JARID2: variants seen among roughly 807,000 people sequenced by gnomAD.
JARID2 encodes the protein protein Jumonji.
Under a neutral mutation model 125.6 loss-of-function variants are expected in JARID2, and 21 were observed. That is an observed-to-expected ratio of 0.17 (90% CI 0.12 to 0.24). The LOEUF is 0.24. JARID2 is among the 10% of genes least tolerant of loss of function. The probability of loss-of-function intolerance (pLI) is 1.00; values close to 1 mark genes in which losing one functional copy is unlikely to be tolerated. For missense variants in JARID2, 1,303 were observed against 1,639.6 expected, an observed-to-expected ratio of 0.79 and a Z score of 3.55; for synonymous variants, 736 against 661.6, an observed-to-expected ratio of 1.11 and a Z score of -1.73.
intron 3 of JARID2, among the ~76,000 whole-genome samples, chr6:15,418,651 A>G (rs1347867441): frequency 6.6e-6 from 1 of 151,936 alleles, no homozygotes; most frequent in Non-Finnish European, 1.5e-5. Flanking sequence ...TTGTTAAACA[A>G]GGAGCTGCTG....
rs867786544 is a variant in JARID2 at position 15,330,327 on chromosome 6, C to T, written c.46-43790C>T. 7.2e-5 allele frequency among the ~76,000 whole-genome samples: 11 copies of T among 152,236 alleles called. No individual in the cohort carries two copies. The East Asian group carries it at 9.7e-4, about 13-fold the overall frequency. On this transcript the variant is annotated intron_variant, in intron 1 of 17. Transcript: ENST00000341776. ...CTGGTGAGGTTACATTATAAGCCTGCGCACTCATTAATACCACCGAATCCA... is the reference window on the plus strand; with the variant it reads ...CTGGTGAGGTTACATTATAAGCCTGTGCACTCATTAATACCACCGAATCCA...
intron 1 of JARID2, among the ~76,000 whole-genome samples, chr6:15,304,557 G>A (rs1399794921): frequency 6.6e-6 from 1 of 151,968 alleles, no homozygotes; most frequent in African/African-American, 2.4e-5. Flanking sequence ...ATATCTAGAT[G>A]AGTGATGCTT....
rs369838113 is a variant in JARID2 at position 15,487,496 on chromosome 6, A to G, written c.860A>G (p.His287Arg). The change falls in exon 6 of 18, where the codon CAT (histidine) becomes CGT (arginine). Residue 287 changes from histidine (H) to arginine (R), a missense_variant. By Grantham distance (29) the His-to-Arg change is conservative. Around this residue, in one of 11 missense-constraint regions of JARID2, gnomAD observed 651 missense variants for 581.6 expected, o/e 1.12. Transcript: ENST00000341776. ...TCGGCCAAGGGGCTTGCTGCCACCC[A>G]TCACCACCCCCCTCTGCATCGGTCG... ...GSSAKGLAATHHHPPLHRSAQ... is the reference protein window; with the variant it reads ...GSSAKGLAATRHHPPLHRSAQ... 12 of 1,613,866 alleles carry G rather than the reference A, an allele frequency of 7.4e-6. No individual in the cohort carries two copies. Among genetic ancestry groups the G allele is most frequent in the African/African-American group, 6.7e-5 (5 of 74,912 alleles).
At chr6:15,484,998 G>A (rs902409963) in intron 5 of JARID2, among the ~76,000 whole-genome samples, 6 of 152,164 alleles carry the variant, frequency 3.9e-5, no homozygotes. Context: ...TACGGATGTT[G>A]CTTTTAATTT....
intron 5 of JARID2, among the ~76,000 whole-genome samples, chr6:15,479,205 G>C (rs935008454): frequency 6.6e-6 from 1 of 152,176 alleles, no homozygotes; most frequent in African/African-American, 2.4e-5. Context: ...GCCCACACAG[G>C]CCGCGGGGCT....
intron 5 of JARID2, among the ~76,000 whole-genome samples, chr6:15,482,071 GT>G (rs1008150590): frequency 2.0e-5 from 3 of 152,240 alleles, no homozygotes; most frequent in Admixed American, 1.3e-4. Flanking sequence ...TGAAGGATCT[GT>G]TTTTTTCAGA....
intron 5 of JARID2, among the ~76,000 whole-genome samples, chr6:15,478,967 A>G (rs2127700962): frequency 6.6e-6 from 1 of 152,288 alleles, no homozygotes; most frequent in Middle Eastern, 3.4e-3. Context: ...GCCCGGCCGG[A>G]TTTAGGGTTT....
At chr6:15,504,972 T>C (rs1010416003) in intron 9 of JARID2, among the ~76,000 whole-genome samples, 2 of 152,202 alleles carry the variant, frequency 1.3e-5, no homozygotes, top group African/African-American at 4.8e-5. Context: ...TTGTGCTTTT[T>C]CTTCTCTTCT....
At chr6:15,302,408 C>T (rs2127413472) in intron 1 of JARID2, among the ~76,000 whole-genome samples, 1 of 150,644 alleles carries the variant, frequency 6.6e-6, no homozygotes, top group South Asian at 2.2e-4. Context: ...GAGCGAGACT[C>T]TGTCTTGGGA....
intron 1 of JARID2, among the ~76,000 whole-genome samples, chr6:15,350,119 C>T (rs975055304): frequency 6.6e-5 from 10 of 152,054 alleles, no homozygotes; most frequent in Non-Finnish European, 1.3e-4. Context: ...TGTTTTAACA[C>T]GCGGCTGGAA....
chr6:15,455,192 C>CAAA lies in JARID2; in HGVS notation c.493+3031_493+3033dup, dbSNP rs36088738. Among the ~76,000 whole-genome samples, 1,178 of 128,660 alleles carry CAAA rather than the reference C, an allele frequency of 9.2e-3. 20 individuals are homozygous for CAAA. The highest frequency in any genetic ancestry group is 0.033 in the African/African-American group (1,079 of 32,524). 84.4% of individuals were successfully genotyped at this position (128,660 alleles called of 152,430 possible). ...TTGGCAATTAAGTGGCACTTTGTCT[C>CAAA]AAAAAAAAAAAAAAAACAATGGTGA... On this transcript the variant is annotated intron_variant, in intron 4 of 17. Transcript: ENST00000341776.
intron 4 of JARID2, among the ~76,000 whole-genome samples, chr6:15,465,600 G>A (rs571559816): frequency 2.0e-5 from 3 of 151,374 alleles, no homozygotes; most frequent in East Asian, 1.9e-4. Flanking sequence ...AACATCTTGA[G>A]TGCAAGGAAT....
chr6:15,308,983 CT>C (rs553738768), intron 1 of JARID2, among the ~76,000 whole-genome samples: 71 of 152,338 alleles, frequency 4.7e-4, no homozygotes, highest in African/African-American at 1.7e-3. Context: ...TTTTGGTTGA[CT>C]GACTGCCCTT....
At chr6:15,441,998 TCTCAAA>T (rs1482643249) in intron 3 of JARID2, among the ~76,000 whole-genome samples, 1 of 151,946 alleles carries the variant, frequency 6.6e-6, no homozygotes, top group Non-Finnish European at 1.5e-5. Context: ...GTCAGGCTGG[TCTCAAA>T]CTCCTGACCT....
intron 16 of JARID2, among the ~76,000 whole-genome samples, chr6:15,515,767 A>C (rs940213541): frequency 2.9e-5 from 4 of 139,516 alleles, no homozygotes; most frequent in Non-Finnish European, 6.7e-5. Context: ...AAAAAAACAA[A>C]AACAAAAACC....
chr6:15,479,774 G>T (rs1769522661), intron 5 of JARID2, among the ~76,000 whole-genome samples: 1 of 152,162 alleles, frequency 6.6e-6, no homozygotes, highest in Non-Finnish European at 1.5e-5. Flanking sequence ...GATAATGGGG[G>T]TTTTGCTCAC....
chr6:15,303,171 T>C (rs752379744), intron 1 of JARID2, among the ~76,000 whole-genome samples: 33 of 152,252 alleles, frequency 2.2e-4, no homozygotes, highest in Non-Finnish European at 4.4e-4. Context: ...TGTGACAAAC[T>C]AGTAGCAACT....
intron 4 of JARID2, among the ~76,000 whole-genome samples, chr6:15,459,589 A>G (rs937025767): frequency 1.3e-5 from 2 of 152,192 alleles, no homozygotes; most frequent in African/African-American, 4.8e-5. Context: ...AGGCAGAGGT[A>G]GTGGAGAGGA....
intron 1 of JARID2, among the ~76,000 whole-genome samples, chr6:15,357,363 G>A (rs1412913361): frequency 6.6e-6 from 1 of 152,168 alleles, no homozygotes; most frequent in Non-Finnish European, 1.5e-5. Flanking sequence ...AGGCAAATGT[G>A]CCCTTATTTT....
Sources: gnomAD v4.1 joint callset for allele counts (sites outside exome capture counted in the v4.1 genomes callset) on GRCh38, gnomAD v4.1.1 for gene constraint, gnomAD v4.1.1 regional missense constraint, MANE v1.5 for transcripts, NCBI Gene and HGNC (gene_info 2026-07-23, HGNC 2026-07-21) for gene names.